The following GLRA2 variants were observed in gnomAD, a reference collection of about 807,000 sequenced individuals.
GLRA2 encodes the protein glycine receptor subunit alpha-2.
GLRA2 carries 11 observed loss-of-function variants against 31.6 expected under a neutral mutation model. The observed-to-expected ratio is 0.35, with a 90% CI of 0.22 to 0.58. The LOEUF is 0.58. GLRA2 is among the 20% of genes least tolerant of loss of function. The probability of loss-of-function intolerance (pLI) is 0.84; values close to 1 mark genes in which losing one functional copy is unlikely to be tolerated. For missense variants in GLRA2, 212 were observed against 351.8 expected (o/e 0.60, Z 3.18); for synonymous variants, 132 against 134.0 (o/e 0.99, Z 0.10).
intron 7 of GLRA2, among the ~76,000 whole-genome samples, chrX:14,623,670 G>C (rs1182853390): frequency 1.8e-5 from 2 of 111,535 alleles, no homozygotes; most frequent in Non-Finnish European, 3.8e-5. Context: ...TGCGTATGTT[G>C]AACCAGCCTT....
rs772839343 is a variant in GLRA2, at chrX:14,667,898, AT to A, written c.931-22808del. Among the ~76,000 whole-genome samples, 4 of 111,992 alleles carry A rather than the reference AT, an allele frequency of 3.6e-5. No individual in the cohort carries two copies. The South Asian group carries it at 1.5e-3, about 42-fold the overall frequency. Reference sequence around the variant, plus strand: ...GCCAGATTTTAGTGGCTTAAACAATATTTTAATCTTACAGTTTTTATGAGCA... The same window carrying A: ...GCCAGATTTTAGTGGCTTAAACAATATTTAATCTTACAGTTTTTATGAGCA... On this transcript the variant is annotated intron_variant, in intron 7 of 8. Transcript: ENST00000218075.
the GLRA2 span, among the ~76,000 whole-genome samples, chrX:14,476,848 G>A: frequency 8.9e-6 from 1 of 112,094 alleles, no homozygotes; most frequent in Non-Finnish European, 1.9e-5. Flanking sequence ...GCCATTGAAA[G>A]TAACGGGAAA....
intron 2 of GLRA2, among the ~76,000 whole-genome samples, chrX:14,556,510 G>T (rs1215131754): frequency 9.0e-6 from 1 of 111,663 alleles, no homozygotes; most frequent in Non-Finnish European, 1.9e-5. Flanking sequence ...ATTCTTTGAT[G>T]ACATTTTATT....
chrX:14,727,256 C>G (rs1295259263), intron 8 of GLRA2, among the ~76,000 whole-genome samples: 1 of 111,564 alleles, frequency 9.0e-6, no homozygotes, highest in Non-Finnish European at 1.9e-5. Flanking sequence ...AAAAGTTCCC[C>G]AGCAGCCAGA....
chrX:14,459,624 C>T, the GLRA2 span, among the ~76,000 whole-genome samples: 41 of 111,203 alleles, frequency 3.7e-4, no homozygotes, highest in African/African-American at 1.2e-3. Context: ...TATTTTATTC[C>T]CTTTGTAGCA....
At chrX:14,497,119 A>G in the GLRA2 span, among the ~76,000 whole-genome samples, 3 of 112,077 alleles carry the variant, frequency 2.7e-5, no homozygotes, top group Non-Finnish European at 5.6e-5. Context: ...CAAGTGTCTT[A>G]GAACACAGAA....
At chrX:14,511,239 G>A in the GLRA2 span, among the ~76,000 whole-genome samples, 19 of 112,040 alleles carry the variant, frequency 1.7e-4, no homozygotes, top group Admixed American at 1.8e-3. Flanking sequence ...TTCCTTAAAA[G>A]GAGAAAGAGA....
At chrX:14,501,590 A>G in the GLRA2 span, among the ~76,000 whole-genome samples, 1 of 111,106 alleles carries the variant, frequency 9.0e-6, no homozygotes, top group African/African-American at 3.3e-5. Context: ...CACTTGCTCT[A>G]TCCTACGAGC....
At chrX:14,712,966 G>C (rs1229829458) in intron 8 of GLRA2, among the ~76,000 whole-genome samples, 1 of 112,115 alleles carries the variant, frequency 8.9e-6, no homozygotes, top group Non-Finnish European at 1.9e-5. Flanking sequence ...AACCAATCCA[G>C]AAGAGAATTC....
intron 7 of GLRA2, among the ~76,000 whole-genome samples, chrX:14,625,169 C>A (rs971564146): frequency 3.6e-5 from 4 of 110,875 alleles, no homozygotes; most frequent in African/African-American, 1.3e-4. Flanking sequence ...AGGATTGCAA[C>A]CCCTGCTTTT....
chrX:14,543,236 C>CAAA lies in GLRA2; in HGVS notation c.202+10887_202+10889dup, dbSNP rs60906048. Reference sequence around the variant, plus strand: ...CTTTGGGAGTCACTCTTGTCATCTGCAAAAAAAAAAAAAAAAAAAAAAAAA... The same window carrying CAAA: ...CTTTGGGAGTCACTCTTGTCATCTGCAAAAAAAAAAAAAAAAAAAAAAAAAAAA... On this transcript the variant is annotated intron_variant, in intron 2 of 8. Transcript: ENST00000218075. 7.9e-3 allele frequency among the ~76,000 whole-genome samples: 183 copies of CAAA among 23,285 alleles called. 5 individuals are homozygous for CAAA. The highest frequency in any genetic ancestry group is 0.027 in the African/African-American group (169 of 6,341). The allele number at this position is 23,285 out of a possible 115,157, so 20.2% of individuals were successfully genotyped here.
At chrX:14,551,236 T>C (rs763048713) in intron 2 of GLRA2, among the ~76,000 whole-genome samples, 5 of 111,829 alleles carry the variant, frequency 4.5e-5, no homozygotes, top group African/African-American at 1.6e-4. Flanking sequence ...CTTAAAGATT[T>C]GTGTTGTTAT....
intron 7 of GLRA2, among the ~76,000 whole-genome samples, chrX:14,623,056 G>T (rs1209801314): frequency 1.8e-5 from 2 of 111,404 alleles, no homozygotes; most frequent in Non-Finnish European, 3.8e-5. Flanking sequence ...CCTTGAACAG[G>T]TCCCTCGCAT....
intron 7 of GLRA2, among the ~76,000 whole-genome samples, chrX:14,667,452 T>G (rs190203122): frequency 8.0e-4 from 90 of 112,080 alleles, no homozygotes; most frequent in Non-Finnish European, 1.7e-3. Context: ...GGTATGGCTT[T>G]GTTCTAATTA....
intron 2 of GLRA2, among the ~76,000 whole-genome samples, chrX:14,555,444 C>T (rs2089629349): frequency 9.0e-6 from 1 of 111,355 alleles, no homozygotes; most frequent in South Asian, 3.8e-4. Flanking sequence ...CTTTTTAGCC[C>T]TGAAGTTTAT....
the GLRA2 span, among the ~76,000 whole-genome samples, chrX:14,494,691 G>A: frequency 9.0e-6 from 1 of 111,490 alleles, no homozygotes; most frequent in Non-Finnish European, 1.9e-5. Context: ...AATGGAAGTG[G>A]AAGAGACGGT....
chrX:14,451,991 G>A, the GLRA2 span, among the ~76,000 whole-genome samples: 1 of 111,476 alleles, frequency 9.0e-6, no homozygotes, highest in Non-Finnish European at 1.9e-5. Context: ...GTGAACATTA[G>A]TAATTTCATT....
chrX:14,516,114 A>G, the GLRA2 span, among the ~76,000 whole-genome samples: 39 of 111,537 alleles, frequency 3.5e-4, no homozygotes, highest in African/African-American at 1.2e-3. Flanking sequence ...GTTTCCTGCT[A>G]TCCCTCCTTT....
chrX:14,604,703 C>T (rs1316643541), intron 5 of GLRA2, among the ~76,000 whole-genome samples: 1 of 109,648 alleles, frequency 9.1e-6, no homozygotes, highest in East Asian at 2.9e-4. Flanking sequence ...GTAAGCTTTT[C>T]ATTGAAATGA....
Sources: allele counts gnomAD v4.1 joint callset (sites outside exome capture counted in the v4.1 genomes callset), GRCh38; gene constraint gnomAD v4.1.1; transcripts MANE v1.5; gene names NCBI Gene and HGNC (gene_info 2026-07-23, HGNC 2026-07-21).